NT5DC1: variants seen among roughly 807,000 people sequenced by gnomAD.
NT5DC1 encodes 5'-nucleotidase domain containing 1.
In NT5DC1, 42 loss-of-function variants were observed where a neutral mutation model predicts 59.4. The observed-to-expected ratio is 0.71, with a 90% CI of 0.55 to 0.92. The LOEUF is 0.92. Ranked by LOEUF, NT5DC1 falls within the 40% of genes least tolerant of loss-of-function variation. The pLI, the probability that NT5DC1 is intolerant of heterozygous loss-of-function variation, is 0.00. For synonymous variants in NT5DC1, 172 were observed against 188.1 expected (o/e 0.91, Z 0.70); for missense variants, 501 against 537.1 (o/e 0.93, Z 0.66).
intron 6 of NT5DC1, among the ~76,000 whole-genome samples, chr6:116,172,189 A>G (rs1224372384): frequency 2.0e-5 from 3 of 152,188 alleles, no homozygotes; most frequent in Non-Finnish European, 4.4e-5. Context: ...CCTCATAGAA[A>G]GATTGAAAAT....
intron 8 of NT5DC1, 57 bp downstream of exon 8, chr6:116,223,188 C>A: frequency 1.1e-6 from 1 of 869,772 alleles, no homozygotes; most frequent in Non-Finnish European, 1.9e-6. Flanking sequence ...CAACCTTGTG[C>A]AGAACACTGT....
intron 6 of NT5DC1, among the ~76,000 whole-genome samples, chr6:116,136,468 GT>G: frequency 1.3e-5 from 2 of 151,518 alleles, no homozygotes; most frequent in South Asian, 4.2e-4. Context: ...GTTTTGTGGG[GT>G]TTTTTTTAAA....
intron 6 of NT5DC1, among the ~76,000 whole-genome samples, chr6:116,195,339 A>C (rs1781200585): frequency 6.6e-6 from 1 of 152,004 alleles, no homozygotes; most frequent in Admixed American, 6.6e-5. Flanking sequence ...AAACATTGGA[A>C]ATTTTTTTGG....
chr6:116,100,882 C>T lies in NT5DC1; in HGVS notation c.-49C>T, dbSNP rs780962856. The T allele has an allele frequency of 1.0e-5, 15 of 1,449,566 alleles. No individual in the cohort carries two copies. In the Admixed American group the frequency reaches 2.2e-4, roughly 21 times the overall value. The allele number at this position is 1,449,566 out of a possible 1,614,324, so 89.8% of individuals were successfully genotyped here. A position where few individuals can be genotyped will look rare whatever the true frequency, so the allele number is the denominator to read the frequency against. On this transcript the variant is annotated 5_prime_UTR_variant, in exon 1 of 12. Transcript: ENST00000319550. ...TCCCGCAGCGTCCCGCCAGCCAGCT[C>T]CTTGCACCCTTCGCGGCCGAGGCGC...
chr6:116,171,380 G>C (rs1780604016), intron 6 of NT5DC1, among the ~76,000 whole-genome samples: 2 of 152,050 alleles, frequency 1.3e-5, no homozygotes, highest in Non-Finnish European at 1.5e-5. Context: ...TGTTCTAAAA[G>C]GCCATTTGTA....
chr6:116,144,494 C>T (rs1779847061), intron 6 of NT5DC1, among the ~76,000 whole-genome samples: 2 of 148,808 alleles, frequency 1.3e-5, no homozygotes, highest in South Asian at 2.1e-4. Context: ...AGCGAGACTC[C>T]GTCTCAAAAA....
chr6:116,217,021 C>G (rs1186082923), intron 6 of NT5DC1, among the ~76,000 whole-genome samples: 1 of 152,086 alleles, frequency 6.6e-6, no homozygotes, highest in African/African-American at 2.4e-5. Context: ...ATCTCTAGTC[C>G]CCTCGGACAG....
intron 6 of NT5DC1, among the ~76,000 whole-genome samples, chr6:116,192,591 TC>T (rs1410662586): frequency 6.6e-6 from 1 of 152,054 alleles, no homozygotes; most frequent in Non-Finnish European, 1.5e-5. Context: ...AAGTCAAAAA[TC>T]AAATCTTAAA....
At chr6:116,223,280 T>C (rs1166802705) in intron 8 of NT5DC1, 149 bp downstream of exon 8, 5 of 511,146 alleles carry the variant, frequency 9.8e-6, no homozygotes, top group Non-Finnish European at 1.7e-5. Flanking sequence ...AATTTTATGC[T>C]ACCGCTTTAT....
At chr6:116,237,130 T>G (rs764711423) in intron 9 of NT5DC1, 46 bp downstream of exon 9, 1 of 1,078,440 alleles carries the variant, frequency 9.3e-7, no homozygotes, top group Non-Finnish European at 1.4e-6. Context: ...CTTGCAGACA[T>G]AAGCAGTTGT....
chr6:116,111,032 A>G lies in NT5DC1; in HGVS notation c.364+76A>G, dbSNP rs1778866480. ...CCCTAAACCTTTGATGTCAGGACAAAGAAGACCCCCCTTTCCCCTGCTGGG... is the reference window on the plus strand; with the variant it reads ...CCCTAAACCTTTGATGTCAGGACAAGGAAGACCCCCCTTTCCCCTGCTGGG... On this transcript the variant is annotated intron_variant, in intron 4 of 11. Transcript: ENST00000319550. The G allele has an allele frequency of 8.1e-6, 8 of 982,344 alleles. No individual in the cohort carries two copies. In the Admixed American group the frequency reaches 1.6e-4, roughly 19 times the overall value. 60.9% of individuals were successfully genotyped at this position (982,344 alleles called of 1,614,324 possible).
rs549789912 is a variant in NT5DC1 at position 116,217,978 on chromosome 6, C to T, written c.530-3076C>T. Reference sequence around the variant, plus strand: ...GGGGGCAAAAATATTTTCTCCATGACAGTGATCTTTTGTAGTAAGAGCAAC... The same window carrying T: ...GGGGGCAAAAATATTTTCTCCATGATAGTGATCTTTTGTAGTAAGAGCAAC... On this transcript the variant is annotated intron_variant, in intron 6 of 11. Coordinates refer to ENST00000319550, the MANE Select transcript of NT5DC1 (RefSeq NM_152729.3). 3.0e-4 allele frequency among the ~76,000 whole-genome samples: 46 copies of T among 152,232 alleles called. 1 individual carries two copies. The South Asian group carries it at 9.5e-3, about 32-fold the overall frequency.
intron 6 of NT5DC1, among the ~76,000 whole-genome samples, chr6:116,219,502 C>A (rs930807919): frequency 9.9e-5 from 15 of 152,094 alleles, no homozygotes; most frequent in Admixed American, 2.0e-4. Flanking sequence ...CTGATAGAGA[C>A]CCTTGCCCTT....
intron 6 of NT5DC1, chr6:116,137,067 C>A: frequency 4.8e-6 from 1 of 209,228 alleles, no homozygotes; most frequent in South Asian, 9.6e-5. Flanking sequence ...TTTAAGTCAC[C>A]GTCTCTTCAT....
intron 7 of NT5DC1, 25 bp from the exon 8 acceptor site, chr6:116,223,009 T>C: frequency 1.6e-6 from 2 of 1,235,760 alleles, no homozygotes; most frequent in South Asian, 1.2e-5. Context: ...TAAAATAAAC[T>C]TATGAAAAAT....
chr6:116,184,193 G>A (rs1780943672), intron 6 of NT5DC1, among the ~76,000 whole-genome samples: 2 of 152,060 alleles, frequency 1.3e-5, no homozygotes, highest in East Asian at 1.9e-4. Flanking sequence ...TTTATGTGGT[G>A]TATCACATTT....
chr6:116,182,392 G>A (rs111267283), intron 6 of NT5DC1, among the ~76,000 whole-genome samples: 4,814 of 152,088 alleles, frequency 0.032, 273 homozygotes, highest in African/African-American at 0.11. Context: ...TTTCCTCTGG[G>A]TAGATACTCA....
intron 6 of NT5DC1, among the ~76,000 whole-genome samples, chr6:116,184,107 A>G (rs1780941904): frequency 6.6e-6 from 1 of 151,992 alleles, no homozygotes; most frequent in Non-Finnish European, 1.5e-5. Context: ...TTTTAATCAT[A>G]AAGAGATGCT....
chr6:116,162,050 A>G (rs918857236), intron 6 of NT5DC1, among the ~76,000 whole-genome samples: 16 of 151,910 alleles, frequency 1.1e-4, no homozygotes, highest in Admixed American at 1.0e-3. Context: ...TGTAAATGAG[A>G]TTGAGTTTTT....
Sources: allele counts gnomAD v4.1 joint callset (sites outside exome capture counted in the v4.1 genomes callset), GRCh38; gene constraint gnomAD v4.1.1; transcripts MANE v1.5; gene names NCBI Gene and HGNC (gene_info 2026-07-23, HGNC 2026-07-21).